The following MAPK9 variants were observed in gnomAD, a reference collection of about 807,000 sequenced individuals.
MAPK9 encodes Jun kinase.
Under a neutral mutation model 57.1 loss-of-function variants are expected in MAPK9, and 30 were observed. The observed-to-expected ratio is 0.53, with a 90% confidence interval of 0.39 to 0.71. The LOEUF (loss-of-function observed/expected upper bound fraction) is 0.71, where lower values mean the gene tolerates loss of function less well. Among genes scored for constraint, MAPK9 ranks in the 30% least tolerant of loss-of-function variants. The pLI is 0.00. For synonymous variants in MAPK9, 155 were observed against 177.0 expected (o/e 0.88, Z 0.99); for missense variants, 362 against 521.0 (o/e 0.69, Z 2.97).
chr5:180,273,534 GT>G (rs1761550987), intron 2 of MAPK9, among the ~76,000 whole-genome samples: 1 of 151,966 alleles, frequency 6.6e-6, no homozygotes, highest in South Asian at 2.1e-4. Flanking sequence ...GCAGATAAAT[GT>G]TTTTTTATGT....
At chr5:180,275,527 C>G (rs1761733593) in intron 2 of MAPK9, among the ~76,000 whole-genome samples, 1 of 152,184 alleles carries the variant, frequency 6.6e-6, no homozygotes, top group Non-Finnish European at 1.5e-5. Flanking sequence ...CTCAACAGCC[C>G]CTTCCAGAAT....
chr5:180,261,546 T>C, intron 5 of MAPK9, 138 bp downstream of exon 5: 1 of 892,734 alleles, frequency 1.1e-6, no homozygotes, highest in South Asian at 2.0e-5. Context: ...AGAATGACTC[T>C]CTTAAAACAC....
chr5:180,253,963 CTTTTTTTT>C (rs5873681), intron 5 of MAPK9, among the ~76,000 whole-genome samples: 2 of 109,360 alleles, frequency 1.8e-5, no homozygotes, highest in East Asian at 2.8e-4. Context: ...GCTTCAATCT[CTTTTTTTT>C]TTTTTTTTTT....
intron 7 of MAPK9, among the ~76,000 whole-genome samples, chr5:180,243,968 C>T (rs1479640656): frequency 6.6e-6 from 1 of 152,164 alleles, no homozygotes; most frequent in Non-Finnish European, 1.5e-5. Context: ...GTGCCTCAGC[C>T]TCCCAAGTAG....
intron 3 of MAPK9, among the ~76,000 whole-genome samples, chr5:180,266,546 T>C (rs1760575416): frequency 6.6e-6 from 1 of 152,010 alleles, no homozygotes; most frequent in Non-Finnish European, 1.5e-5. Flanking sequence ...CTTAAACTCA[T>C]GACTCAGGTG....
At chr5:180,255,373 G>A (rs1341022105) in intron 5 of MAPK9, among the ~76,000 whole-genome samples, 2 of 152,138 alleles carry the variant, frequency 1.3e-5, no homozygotes, top group African/African-American at 4.8e-5. Flanking sequence ...GGGAGATCCA[G>A]GACAGCCCCT....
At chr5:180,272,263 T>C (rs1272219594) in intron 2 of MAPK9, among the ~76,000 whole-genome samples, 2 of 152,236 alleles carry the variant, frequency 1.3e-5, no homozygotes, top group African/African-American at 4.8e-5. Context: ...GCATGGAAGA[T>C]AGATGGTATT....
intron 7 of MAPK9, chr5:180,246,418 T>C (rs1236816517): frequency 1.3e-5 from 2 of 152,250 alleles, no homozygotes; most frequent in South Asian, 2.1e-4. Context: ...CACTTTAAGT[T>C]TGCACTGTGA....
At position 180,247,155 on chromosome 5, in the gene MAPK9, C is replaced by A. The variant is rs1758190399; in HGVS notation, c.688+284G>T. On this transcript the variant is annotated intron_variant, in intron 7 of 11. Coordinates refer to ENST00000452135, the MANE Select transcript of MAPK9 (RefSeq NM_002752.5). This position sits in a 1 kb window ranked among gnomAD's most constrained non-coding sequence, Gnocchi z 4.5. The stretch of plus-strand genomic sequence containing the variant: ...ATACTTATCAAAGAGTAAATAATTT[C>A]TTCTATGTGTCCAGCTATTTTTGGC... 2 of 479,996 alleles carry A rather than the reference C, an allele frequency of 4.2e-6. No homozygotes were observed. Among genetic ancestry groups the A allele is most frequent in the South Asian group, 3.3e-5 (1 of 30,194 alleles). The allele number at this position is 479,996 out of a possible 1,614,324, so 29.7% of individuals were successfully genotyped here.
At chr5:180,284,529 T>G (rs1311058505) in intron 1 of MAPK9, among the ~76,000 whole-genome samples, 1 of 152,248 alleles carries the variant, frequency 6.6e-6, no homozygotes, top group East Asian at 1.9e-4. Context: ...ACAGGCACTT[T>G]CATACACGTC....
intron 11 of MAPK9, chr5:180,237,674 A>T (rs1757280393): frequency 6.6e-6 from 1 of 152,284 alleles, no homozygotes; most frequent in Non-Finnish European, 1.5e-5. Flanking sequence ...TATTGCAAAG[A>T]TGAAAGAGAA....
Position 180,269,266 on chromosome 5 carries a change from C to G in MAPK9, c.252+14G>C. On this transcript the variant is annotated intron_variant, in intron 3 of 11. Coordinates refer to ENST00000452135, the MANE Select transcript of MAPK9 (RefSeq NM_002752.5). ...AATATGGAAGCACACAGACAAAATA[C>G]ATACATAACTTACATTTTTATGATT... 1.9e-6 allele frequency: 3 copies of G among 1,611,328 alleles called. No individual in the cohort carries two copies. The highest frequency in any genetic ancestry group is 2.5e-6 in the Non-Finnish European group (3 of 1,177,716).
At chr5:180,279,495 T>C (rs1018735058) in intron 2 of MAPK9, among the ~76,000 whole-genome samples, 15 of 151,948 alleles carry the variant, frequency 9.9e-5, no homozygotes, top group Admixed American at 9.8e-4. Flanking sequence ...CAACAAAGGA[T>C]CAGTTAAAAA....
chr5:180,260,978 C>T (rs1759888683), intron 5 of MAPK9, among the ~76,000 whole-genome samples: 1 of 151,864 alleles, frequency 6.6e-6, no homozygotes, highest in Admixed American at 6.6e-5. Flanking sequence ...TCTGCTTACA[C>T]AGCCGTACAA....
In MAPK9 at chr5:180,280,158, T is replaced by C. The variant is rs1485140080; in HGVS notation, c.122+282A>G. Reference sequence around the variant, plus strand: ...CACTGTCATACCTACTACTCTGATATCATAATGACAGGAGAAATGAAAAAA... The same window carrying C: ...CACTGTCATACCTACTACTCTGATACCATAATGACAGGAGAAATGAAAAAA... On this transcript the variant is annotated intron_variant, in intron 2 of 11. Transcript: ENST00000452135. 7 of 450,778 alleles carry C rather than the reference T, an allele frequency of 1.6e-5. No homozygotes were observed. In the Admixed American group the frequency reaches 2.4e-4, roughly 15 times the overall value. The allele number at this position is 450,778 out of a possible 1,614,324, so 27.9% of individuals were successfully genotyped here. A position where few individuals can be genotyped will look rare whatever the true frequency, so the allele number is the denominator to read the frequency against.
chr5:180,280,141 T>TA (rs1466514177), intron 2 of MAPK9: 57 of 474,642 alleles, frequency 1.2e-4, no homozygotes, highest in South Asian at 9.7e-4. Context: ...CTCACTGTCA[T>TA]ACCTACTACT....
chr5:180,247,436 T>G lies in MAPK9; in HGVS notation c.688+3A>C. 1 of 1,614,184 alleles carries G rather than the reference T, an allele frequency of 6.2e-7. No individual in the cohort carries two copies. The highest frequency in any genetic ancestry group is 8.5e-7 in the Non-Finnish European group (1 of 1,180,042). ...GCGGGGCCAAGGTCGCGGGGAAGGA[T>G]ACGGTCAGTGCCTTGGAATATCACA... On this transcript the variant is annotated splice_donor_region_variant and intron_variant, in intron 7 of 11. Transcript: ENST00000452135. This position sits in a 1 kb window ranked among gnomAD's most constrained non-coding sequence, Gnocchi z 4.5.
At chr5:180,252,453 A>C (rs1758811198) in intron 5 of MAPK9, among the ~76,000 whole-genome samples, 1 of 152,154 alleles carries the variant, frequency 6.6e-6, no homozygotes, top group African/African-American at 2.4e-5. Flanking sequence ...ACTGGGATGC[A>C]AGATACCACT....
rs539289120 is a variant in MAPK9, at chr5:180,261,231, A to G, written c.450+453T>C. Among the ~76,000 whole-genome samples, 3 of 152,328 alleles carry G rather than the reference A, an allele frequency of 2.0e-5. No individual in the cohort carries two copies. The South Asian group carries it at 6.2e-4, about 32-fold the overall frequency. On this transcript the variant is annotated intron_variant, in intron 5 of 11. Transcript: ENST00000452135. Reference sequence around the variant, plus strand: ...GATAAGAGAAATGGATATGTGGGTCATTATTTAAGAAAGAGAGTTCTCAAG... The same window carrying G: ...GATAAGAGAAATGGATATGTGGGTCGTTATTTAAGAAAGAGAGTTCTCAAG...
Sources: gnomAD v4.1 joint callset for allele counts (sites outside exome capture counted in the v4.1 genomes callset) on GRCh38, gnomAD v4.1.1 for gene constraint, Gnocchi (gnomAD v3.1) non-coding constraint, MANE v1.5 for transcripts, NCBI Gene and HGNC (gene_info 2026-07-23, HGNC 2026-07-21) for gene names.